PKD1: variants seen among roughly 807,000 people sequenced by gnomAD.
PKD1 encodes polycystin 1, transient receptor potential channel interacting, also known as polycystin-1.
In PKD1, 81 loss-of-function variants were observed where a neutral mutation model predicts 361.7. That is an observed-to-expected ratio of 0.22 (90% confidence interval 0.19 to 0.27). The LOEUF (loss-of-function observed/expected upper bound fraction) is 0.27. Ranked by LOEUF, PKD1 falls within the 10% of genes least tolerant of loss-of-function variation. The probability of loss-of-function intolerance (pLI) is 1.00; values close to 1 mark genes in which losing one functional copy is unlikely to be tolerated. For synonymous variants in PKD1, 3,615 were observed against 2,818.3 expected (o/e 1.28, Z -8.95); for missense variants, 6,399 against 6,118.3 (o/e 1.05, Z -1.53).
Position 2,111,848 on chromosome 16 carries a change from C to A in PKD1, c.3319G>T (p.Ala1107Ser). The A allele has an allele frequency of 1.9e-6, 3 of 1,610,284 alleles. No individual in the cohort carries two copies. The highest frequency in any genetic ancestry group is 2.5e-6 in the Non-Finnish European group (3 of 1,179,532). ...GTCAGGTTCTCGAAGGCATTAGATG[C>A]CAGCACGGTCAGGAGGTACTCACCT... ...APGEYLLTVL[A>S]SNAFENLTQQ... The change falls in exon 15 of 46, where the codon GCA becomes TCA. Residue 1107 changes from alanine to serine, a missense_variant. By Grantham distance (99) the Ala-to-Ser change is moderately conservative. Coordinates refer to ENST00000262304, the MANE Select transcript of PKD1 (RefSeq NM_001009944.3).
chr16:2,093,363 G>T, intron 37 of PKD1, 181 bp downstream of exon 37: 6 of 705,110 alleles, frequency 8.5e-6, no homozygotes, highest in Non-Finnish European at 1.4e-5. Context: ...CCCTGGCAGG[G>T]ACTGGGGCAG....
rs1446902132 is a variant in PKD1, at chr16:2,100,818, G to A, written c.9398-252C>T. The A allele has an allele frequency of 2.2e-4, 121 of 543,456 alleles. 1 individual carries two copies. Among genetic ancestry groups the A allele is most frequent in the Non-Finnish European group, 2.4e-4 (72 of 299,688 alleles). The allele number at this position is 543,456 out of a possible 1,614,324, so 33.7% of individuals were successfully genotyped here. A position where few individuals can be genotyped will look rare whatever the true frequency, so the allele number is the denominator to read the frequency against. ...GTGACATGCAAACATGGCTGCACAC[G>A]CCTCAGTCCACACCACAACCAGTGA... is the stretch of plus-strand genomic sequence containing the variant. On this transcript the variant is annotated intron_variant, in intron 26 of 45. Coordinates refer to ENST00000262304, the MANE Select transcript of PKD1 (RefSeq NM_001009944.3). This position sits in a 1 kb window ranked among gnomAD's most constrained non-coding sequence, Gnocchi z 4.4.
chr16:2,108,339 C>T lies in PKD1; in HGVS notation c.6828G>A (p.Leu2276=). 6.2e-7 allele frequency: 1 copy of T among 1,608,162 alleles called. No individual in the cohort carries two copies. Among genetic ancestry groups the T allele is most frequent in the Middle Eastern group, 2.3e-4 (1 of 4,426 alleles). The change falls in exon 15 of 46, where the codon CTG becomes CTA. Residue 2276 remains leucine, a synonymous_variant. Coordinates refer to ENST00000262304, the MANE Select transcript of PKD1 (RefSeq NM_001009944.3). ...TGGGGTCGTAGGACTCGCTCCCATC[C>T]AGCACCAGGTCCCGTGTGTCTGACC... ...RVWSDTRDLV[L]DGSESYDPNL...
At chr16:2,129,259 A>C (rs1739117172) in intron 1 of PKD1, among the ~76,000 whole-genome samples, 2 of 149,360 alleles carry the variant, frequency 1.3e-5, no homozygotes, top group African/African-American at 5.0e-5. Flanking sequence ...TCATAGACTC[A>C]GGGAATCCTC....
chr16:2,090,270 C>G lies in PKD1; in HGVS notation c.12444+15G>C, dbSNP rs749087938. 45 of 1,607,556 alleles carry G rather than the reference C, an allele frequency of 2.8e-5. No individual in the cohort carries two copies. Among genetic ancestry groups the G allele is most frequent in the Non-Finnish European group, 3.7e-5 (44 of 1,176,702 alleles). ...CCAGGGCGTGTCCCTCTCCCCCCCA[C>G]TGGGCCGTACCCACCTCCTTGACCT... On this transcript the variant is annotated intron_variant, in intron 45 of 45. Coordinates refer to ENST00000262304, the MANE Select transcript of PKD1 (RefSeq NM_001009944.3).
intron 1 of PKD1, among the ~76,000 whole-genome samples, chr16:2,134,832 C>T (rs2092930976): frequency 6.9e-6 from 1 of 144,582 alleles, no homozygotes; most frequent in African/African-American, 2.7e-5. Context: ...GCTTTAACCC[C>T]CCACGGCAAT....
At position 2,093,656 on chromosome 16, in the gene PKD1, G is replaced by A; in HGVS notation, c.10904C>T (p.Ala3635Val). 1 of 1,608,234 alleles carries A rather than the reference G, an allele frequency of 6.2e-7. No individual in the cohort carries two copies. ...DEDDTLVESP[A>V]VTPVSARVPR... ...CACACGTGCGCTCACAGGCGTCACA[G>A]CCGGGCTCTCTACCAGGGTGTCATC... is the stretch of plus-strand genomic sequence containing the variant. Residue 3635 changes from alanine (A) to valine (V), a missense_variant, in exon 37 of 46, where the codon GCT becomes GTT. Coordinates refer to ENST00000262304, the MANE Select transcript of PKD1 (RefSeq NM_001009944.3).
rs1367657933 is a variant in PKD1, at chr16:2,118,221, G to C, written c.771C>G (p.Pro257=). ...GGAGGAGGGTGGGGCCCCTACAGGT[G>C]GGGGCAGGAGGTGGCGGGGGGCCGG... ...LCSGPPPPPA[P]TCRGPTLLQH... is the part of the protein sequence containing the mutation. Residue 257 remains proline, a synonymous_variant, in exon 5 of 46, where the codon CCC becomes CCG. Coordinates refer to ENST00000262304, the MANE Select transcript of PKD1 (RefSeq NM_001009944.3). This position sits in a 1 kb window ranked among gnomAD's most constrained non-coding sequence, Gnocchi z 6.0. 2.6e-6 allele frequency: 4 copies of C among 1,525,010 alleles called. No individual in the cohort carries two copies. The highest frequency in any genetic ancestry group is 2.3e-4 in the Middle Eastern group (1 of 4,366). 94.5% of individuals were successfully genotyped at this position (1,525,010 alleles called of 1,614,324 possible). A position where few individuals can be genotyped will look rare whatever the true frequency, so the allele number is the denominator to read the frequency against.
At position 2,100,662 on chromosome 16, in the gene PKD1, A is replaced by T; in HGVS notation, c.9398-96T>A. The T allele has an allele frequency of 9.4e-7, 1 of 1,067,858 alleles. No homozygotes were observed. The highest frequency in any genetic ancestry group is 1.4e-6 in the Non-Finnish European group (1 of 710,682). The allele number at this position is 1,067,858 out of a possible 1,614,324, so 66.1% of individuals were successfully genotyped here. ...TCTCAGCTTTGGCCTGTGCGCACTC[A>T]AGGAGCCACACAGGCAGTCCCGGCT... On this transcript the variant is annotated intron_variant, in intron 26 of 45. Coordinates refer to ENST00000262304, the MANE Select transcript of PKD1 (RefSeq NM_001009944.3). This position sits in a 1 kb window ranked among gnomAD's most constrained non-coding sequence, Gnocchi z 4.4.
rs1251058491 is a variant in PKD1, at chr16:2,114,310, C to T, written c.2713G>A (p.Gly905Arg). 1.9e-6 allele frequency: 3 copies of T among 1,610,576 alleles called. No homozygotes were observed. The highest frequency in any genetic ancestry group is 1.7e-6 in the Non-Finnish European group (2 of 1,179,708). ...SVVALPWLSE[G>R]EHVVDVVVEN... Reference sequence around the variant, plus strand: ...ACCACCACGTCCACCACGTGCTCCCCCTCACTGAGCCACGGCAGTGCTACC... The same window carrying T: ...ACCACCACGTCCACCACGTGCTCCCTCTCACTGAGCCACGGCAGTGCTACC... The change falls in exon 11 of 46, where the codon GGG becomes AGG. Residue 905 changes from glycine (G) to arginine (R), a missense_variant. Physicochemically the swap from Gly to Arg is moderately radical, Grantham distance 125. Transcript: ENST00000262304.
At position 2,108,567 on chromosome 16, in the gene PKD1, G is replaced by C. The variant is rs1478866464; in HGVS notation, c.6600C>G (p.Arg2200=). Residue 2200 remains arginine, a synonymous_variant, in exon 15 of 46, where the codon CGC becomes CGG. Transcript: ENST00000262304. The stretch of plus-strand genomic sequence containing the variant: ...CGCCGGGCAGGGCCACACGCGCTGG[G>C]CGCCCCGGCCGCTGGCAGCTGGCGG... The part of the protein sequence containing the change: ...YRTASCQRPG[R]PARVALPGVD... 6.3e-7 allele frequency: 1 copy of C among 1,575,484 alleles called. No individual in the cohort carries two copies. The highest frequency in any genetic ancestry group is 1.1e-5 in the South Asian group (1 of 87,550).
chr16:2,133,806 C>T (rs2092917114), intron 1 of PKD1, among the ~76,000 whole-genome samples: 1 of 150,150 alleles, frequency 6.7e-6, no homozygotes, highest in Admixed American at 6.6e-5. Context: ...CAGGCTGGGA[C>T]AGGCCACCAA....
intron 1 of PKD1, chr16:2,135,042 C>G (rs1439814673): frequency 1.0e-6 from 1 of 953,050 alleles, no homozygotes; most frequent in African/African-American, 1.8e-5. Flanking sequence ...TCGCCCCTTC[C>G]TAAGCATCAG....
At position 2,090,543 on chromosome 16, in the gene PKD1, C is replaced by T; in HGVS notation, c.12186G>A (p.Leu4062=). 1 of 1,610,200 alleles carries T rather than the reference C, an allele frequency of 6.2e-7. No individual in the cohort carries two copies. Among genetic ancestry groups the T allele is most frequent in the South Asian group, 1.1e-5 (1 of 90,962 alleles). Residue 4062 remains leucine (L), a synonymous_variant, in exon 45 of 46, where the codon CTG becomes CTA. Transcript: ENST00000262304. ...GCCCAGTCCCAGGGCACAGCACCAACAGGGCCTGGGCCACGCTCCAGAGGG... is the reference window on the plus strand; with the variant it reads ...GCCCAGTCCCAGGGCACAGCACCAATAGGGCCTGGGCCACGCTCCAGAGGG... The part of the protein sequence containing the change: ...VDSLWSVAQA[L]LVLCPGTGLS...
Position 2,091,911 on chromosome 16 carries a change from C to T in PKD1, c.11412-5G>A, listed in dbSNP as rs373922889. On this transcript the variant is annotated splice_polypyrimidine_tract_variant and splice_region_variant and intron_variant, in intron 40 of 45. Transcript: ENST00000262304. ...CAGGAGCCCCAGGACCATGCCCTGC[C>T]GGAGAGGGGTGGCGTGGGTGCCGCA... The T allele has an allele frequency of 4.3e-6, 7 of 1,611,486 alleles. No individual in the cohort carries two copies. Among genetic ancestry groups the T allele is most frequent in the Non-Finnish European group, 5.9e-6 (7 of 1,179,624 alleles).
At chr16:2,112,600 C>A (rs1406560696) in intron 13 of PKD1, 127 bp from the exon 14 acceptor site, 6 of 994,234 alleles carry the variant, frequency 6.0e-6, no homozygotes, top group Non-Finnish European at 9.0e-6. Flanking sequence ...TCAGGGCCCA[C>A]CCGGCTGTGC....
rs2092942714 is a variant in PKD1, at chr16:2,135,735, G to C, written c.-46C>G. On this transcript the variant is annotated 5_prime_UTR_variant, in exon 1 of 46. Transcript: ENST00000262304. ...GGCCCCGCCGTCCCCAGGCCCGCCC[G>C]CGCGCGGAGGCCGCAGCTCAGGCGG... 12 of 961,260 alleles carry C rather than the reference G, an allele frequency of 1.2e-5. No individual in the cohort carries two copies. The highest frequency in any genetic ancestry group is 1.5e-5 in the Non-Finnish European group (12 of 811,000). 59.5% of individuals were successfully genotyped at this position (961,260 alleles called of 1,614,324 possible).
intron 1 of PKD1, among the ~76,000 whole-genome samples, chr16:2,128,869 ATTTTTT>A (rs58863130): frequency 1.4e-5 from 2 of 144,846 alleles, no homozygotes; most frequent in African/African-American, 2.5e-5. Flanking sequence ...CACGCTCAGC[ATTTTTT>A]TTTTTTGAGA....
Position 2,093,596 on chromosome 16 carries a change from A to G in PKD1, c.10964T>C (p.Phe3655Ser), listed in dbSNP as rs1436731609. Residue 3655 changes from phenylalanine to serine, a missense_variant, in exon 37 of 46, where the codon TTC becomes TCC. By Grantham distance (155) the Phe-to-Ser change is radical. Transcript: ENST00000262304. ...RVRPPHGFAL[F>S]LAKEEARKVK... ...CTTGCGGGCTTCTTCCTTGGCCAGG[A>G]AGAGTGCAAAGCCGTGGGGTGGCCG... 3 of 1,608,934 alleles carry G rather than the reference A, an allele frequency of 1.9e-6. No homozygotes were observed. The highest frequency in any genetic ancestry group is 2.5e-6 in the Non-Finnish European group (3 of 1,178,056).
Sources: gnomAD v4.1 joint callset for allele counts (sites outside exome capture counted in the v4.1 genomes callset) on GRCh38, gnomAD v4.1.1 for gene constraint, Gnocchi (gnomAD v3.1) non-coding constraint, MANE v1.5 for transcripts, NCBI Gene and HGNC (gene_info 2026-07-23, HGNC 2026-07-21) for gene names.